Variants in EXOC1L observed in about 807,000 individuals in gnomAD.
The protein encoded by EXOC1L is exocyst complex component 1 like.
In EXOC1L, 10 loss-of-function variants were observed where a neutral mutation model predicts 4.9. That is an observed-to-expected ratio of 2.02 (90% CI 1.25 to 3.43). The LOEUF (loss-of-function observed/expected upper bound fraction) is 3.43, where lower values mean the gene tolerates loss of function less well. EXOC1L is among the 30% of genes most tolerant of loss of function. EXOC1L has a pLI of 0.00. For synonymous variants in EXOC1L, 41 were observed against 20.8 expected (o/e 1.97, Z -2.63); for missense variants, 114 against 59.4 (o/e 1.92, Z -3.02).
intron 1 of EXOC1L, among the ~76,000 whole-genome samples, chr4:55,825,850 G>A (rs1458566293): frequency 2.0e-5 from 3 of 152,044 alleles, no homozygotes; most frequent in Non-Finnish European, 4.4e-5. Context: ...GGAGGTCGAG[G>A]TGAGCATCCA....
At chr4:55,821,852 G>T (rs768480959) in intron 1 of EXOC1L, among the ~76,000 whole-genome samples, 3 of 152,166 alleles carry the variant, frequency 2.0e-5, no homozygotes, top group Non-Finnish European at 4.4e-5. Context: ...CAATTTGAGA[G>T]CACTTTCTCC....
chr4:55,828,354 C>T (rs980689335), intron 1 of EXOC1L, among the ~76,000 whole-genome samples: 1 of 152,180 alleles, frequency 6.6e-6, no homozygotes, highest in Admixed American at 6.5e-5. Flanking sequence ...GGGCTGAACT[C>T]TGCCTTACCT....
In EXOC1L at chr4:55,819,796, C is replaced by T; in HGVS notation, c.-231C>T. ...GGCTAGTGAGGCTGCTGTATTTTGG[C>T]TGCCGCCGCCGCTGCTGCCACTGGG... On this transcript the variant is annotated 5_prime_UTR_variant, in exon 1 of 3. Transcript: ENST00000636125. 3.2e-6 allele frequency: 1 copy of T among 309,018 alleles called. No homozygotes were observed. Among genetic ancestry groups the T allele is most frequent in the Non-Finnish European group, 5.9e-6 (1 of 170,210 alleles). The allele number at this position is 309,018 out of a possible 1,614,324, so 19.1% of individuals were successfully genotyped here. A position where few individuals can be genotyped will look rare whatever the true frequency, so the allele number is the denominator to read the frequency against.
chr4:55,832,575 A>G (rs1383407429), intron 2 of EXOC1L, among the ~76,000 whole-genome samples: 1 of 151,986 alleles, frequency 6.6e-6, no homozygotes, highest in Non-Finnish European at 1.5e-5. Flanking sequence ...TACCAACAAT[A>G]TTCAGTAAAC....
At chr4:55,836,334 T>G (rs944852173) in intron 2 of EXOC1L, among the ~76,000 whole-genome samples, 1 of 151,936 alleles carries the variant, frequency 6.6e-6, no homozygotes, top group African/African-American at 2.4e-5. Context: ...ATGCGAAATA[T>G]CTGTCTTAAA....
At chr4:55,830,314 C>G (rs1388962192) in intron 1 of EXOC1L, among the ~76,000 whole-genome samples, 11 of 152,136 alleles carry the variant, frequency 7.2e-5, no homozygotes, top group Admixed American at 7.2e-4. Flanking sequence ...AGTAACATTA[C>G]TCATCTTGAA....
Position 55,831,558 on chromosome 4 carries a change from G to A in EXOC1L, c.252+94G>A, listed in dbSNP as rs575403682. ...TTCATATATTCTTGGCATGTACTAAGTGTTAAGATGACATTATATTGTTCG... is the reference window on the plus strand; with the variant it reads ...TTCATATATTCTTGGCATGTACTAAATGTTAAGATGACATTATATTGTTCG... On this transcript the variant is annotated intron_variant, in intron 2 of 2. Transcript: ENST00000636125. The A allele has an allele frequency of 7.4e-6, 4 of 542,898 alleles. No individual in the cohort carries two copies. The Admixed American group carries it at 1.1e-4, about 15-fold the overall frequency. 33.6% of individuals were successfully genotyped at this position (542,898 alleles called of 1,614,324 possible).
At position 55,831,473 on chromosome 4, in the gene EXOC1L, T is replaced by TA. The variant is rs1257515600; in HGVS notation, c.252+10dup. ...GAAAAGAAGCAGATACTGTAAGTGT[T>TA]ACATTTTATAAGGAGATGTGGAATC... On this transcript the variant is annotated intron_variant, in intron 2 of 2. Coordinates refer to ENST00000636125, the MANE Select transcript of EXOC1L (RefSeq NM_001351574.3). The TA allele has an allele frequency of 1.5e-6, 1 of 677,126 alleles. No homozygotes were observed. The highest frequency in any genetic ancestry group is 2.7e-6 in the Non-Finnish European group (1 of 376,176). The allele number at this position is 677,126 out of a possible 1,614,324, so 41.9% of individuals were successfully genotyped here.
chr4:55,828,857 A>G (rs960228370), intron 1 of EXOC1L, among the ~76,000 whole-genome samples: 1 of 152,042 alleles, frequency 6.6e-6, no homozygotes, highest in African/African-American at 2.4e-5. Context: ...TGAAAAACAA[A>G]CAAACAAACA....
At chr4:55,820,216 T>C in intron 1 of EXOC1L, 69 bp downstream of exon 1, 1 of 195,358 alleles carries the variant, frequency 5.1e-6, no homozygotes, top group South Asian at 1.9e-4. Context: ...ATAGAGGGAA[T>C]TTTTTTTTTT....
Position 55,831,641 on chromosome 4 carries a change from TGA to T in EXOC1L, c.252+179_252+180del, listed in dbSNP as rs554962739. ...TACTGGTTTTTTTATTCTGTTTTTA[TGA>T]GTTTCAAGTGAAATTTTGTCTATTA... On this transcript the variant is annotated intron_variant, in intron 2 of 2. Coordinates refer to ENST00000636125, the MANE Select transcript of EXOC1L (RefSeq NM_001351574.3). Among the ~76,000 whole-genome samples the T allele has an allele frequency of 1.6e-4, 24 of 152,260 alleles. 1 individual carries two copies. The South Asian group carries it at 5.0e-3, about 32-fold the overall frequency.
intron 2 of EXOC1L, among the ~76,000 whole-genome samples, chr4:55,832,245 A>C (rs925905415): frequency 3.9e-5 from 6 of 152,056 alleles, no homozygotes; most frequent in Admixed American, 6.6e-5. Context: ...CATGGTTTTC[A>C]TCCTTTATCA....
intron 1 of EXOC1L, among the ~76,000 whole-genome samples, chr4:55,824,760 C>T (rs1213314414): frequency 1.3e-5 from 2 of 152,186 alleles, no homozygotes; most frequent in African/African-American, 4.8e-5. Flanking sequence ...TTTGAGTCCT[C>T]TTGTTACCTT....
At chr4:55,830,038 T>G (rs1029651264) in intron 1 of EXOC1L, among the ~76,000 whole-genome samples, 1 of 152,226 alleles carries the variant, frequency 6.6e-6, no homozygotes, top group Admixed American at 6.5e-5. Flanking sequence ...TAGAAATGTC[T>G]GCAGTATGAC....
At chr4:55,832,313 T>C (rs897214327) in intron 2 of EXOC1L, among the ~76,000 whole-genome samples, 2 of 152,106 alleles carry the variant, frequency 1.3e-5, no homozygotes, top group Non-Finnish European at 2.9e-5. Flanking sequence ...TTGAATGAAT[T>C]AGAACTTTAA....
chr4:55,829,103 C>T (rs547809774), intron 1 of EXOC1L, among the ~76,000 whole-genome samples: 1 of 152,246 alleles, frequency 6.6e-6, no homozygotes, highest in Admixed American at 6.5e-5. Context: ...GTGTTGTTTC[C>T]ATCCAGTGCT....
At chr4:55,831,893 TAG>T (rs1720041740) in intron 2 of EXOC1L, among the ~76,000 whole-genome samples, 1 of 152,036 alleles carries the variant, frequency 6.6e-6, no homozygotes, top group African/African-American at 2.4e-5. Flanking sequence ...CCTATAATCT[TAG>T]AGTTGAAAGT....
At chr4:55,830,641 G>A (rs551987782) in intron 1 of EXOC1L, among the ~76,000 whole-genome samples, 2 of 152,140 alleles carry the variant, frequency 1.3e-5, no homozygotes, top group South Asian at 4.1e-4. Context: ...CCCTCATTTT[G>A]TTCCCACAAA....
intron 1 of EXOC1L, among the ~76,000 whole-genome samples, chr4:55,820,738 A>G (rs1719718597): frequency 6.6e-6 from 1 of 152,242 alleles, no homozygotes; most frequent in African/African-American, 2.4e-5. Flanking sequence ...CTAGTTCATG[A>G]AAATGGAACT....
Sources: gnomAD v4.1 joint callset for allele counts (sites outside exome capture counted in the v4.1 genomes callset) on GRCh38, gnomAD v4.1.1 for gene constraint, MANE v1.5 for transcripts, NCBI Gene and HGNC (gene_info 2026-07-23, HGNC 2026-07-21) for gene names.